The following TTLL9 variants were observed in gnomAD, a reference collection of about 807,000 sequenced individuals.
The protein encoded by TTLL9 is probable tubulin polyglutamylase TTLL9.
TTLL9 carries 47 observed loss-of-function variants against 65.6 expected under a neutral mutation model. The observed-to-expected ratio is 0.72, with a 90% CI of 0.57 to 0.91. TTLL9 has a LOEUF of 0.91. Among genes scored for constraint, TTLL9 ranks in the 40% least tolerant of loss-of-function variants. The probability of loss-of-function intolerance (pLI) is 0.00; values close to 1 mark genes in which losing one functional copy is unlikely to be tolerated. For synonymous variants in TTLL9, 179 were observed against 204.8 expected (o/e 0.87, Z 1.07); for missense variants, 537 against 568.8 (o/e 0.94, Z 0.57).
At chr20:31,898,367 CT>C (rs1265574166) in intron 3 of TTLL9, 105 bp from the exon 4 acceptor site, 1 of 876,318 alleles carries the variant, frequency 1.1e-6, no homozygotes, top group Non-Finnish European at 1.9e-6. Flanking sequence ...CAGTGTGGAA[CT>C]TTCCAGGTAT....
intron 6 of TTLL9, among the ~76,000 whole-genome samples, chr20:31,915,896 A>G (rs1202757666): frequency 6.6e-6 from 1 of 152,174 alleles, no homozygotes; most frequent in Non-Finnish European, 1.5e-5. Context: ...TATCTATTTC[A>G]GAGTAGCAAA....
At position 31,902,956 on chromosome 20, in the gene TTLL9, C is replaced by T. The variant is rs115586854; in HGVS notation, c.206+4391C>T. 7.4e-3 allele frequency among the ~76,000 whole-genome samples: 1,122 copies of T among 152,160 alleles called. 10 individuals are homozygous for T. The highest frequency in any genetic ancestry group is 0.026 in the African/African-American group (1,073 of 41,490). On this transcript the variant is annotated intron_variant, in intron 4 of 14. Transcript: ENST00000535842. ...ACAGCCAACTACAACCTTGACCTCCCGCGCTCAAGTGATCCACCCACCTCA... is the reference window on the plus strand; with the variant it reads ...ACAGCCAACTACAACCTTGACCTCCTGCGCTCAAGTGATCCACCCACCTCA...
intron 8 of TTLL9, 86 bp from the exon 9 acceptor site, chr20:31,924,923 C>A: frequency 6.8e-7 from 1 of 1,464,628 alleles, no homozygotes; most frequent in Non-Finnish European, 9.4e-7. Context: ...GGTTTCCTGT[C>A]TGTCCACTGC....
chr20:31,870,642 G>A lies in TTLL9; in HGVS notation c.-313G>A, dbSNP rs1442661207. ...GGGCCGGACAAAGCCCCAGTGTGCCGGGCCCACGGCCCGCGGGACAACGGC... is the reference window on the plus strand; with the variant it reads ...GGGCCGGACAAAGCCCCAGTGTGCCAGGCCCACGGCCCGCGGGACAACGGC... On this transcript the variant is annotated 5_prime_UTR_variant, in exon 1 of 15. Coordinates refer to ENST00000535842, the MANE Select transcript of TTLL9 (RefSeq NM_001008409.5). This position sits in a 1 kb window ranked among gnomAD's most constrained non-coding sequence, Gnocchi z 6.6. 7 of 1,299,474 alleles carry A rather than the reference G, an allele frequency of 5.4e-6. No homozygotes were observed. The highest frequency in any genetic ancestry group is 6.9e-6 in the Non-Finnish European group (7 of 1,018,758). 80.5% of individuals were successfully genotyped at this position (1,299,474 alleles called of 1,614,324 possible).
chr20:31,934,919 C>A, intron 12 of TTLL9, 31 bp downstream of exon 12: 2 of 1,586,202 alleles, frequency 1.3e-6, no homozygotes, highest in South Asian at 2.3e-5. Context: ...GCCAGGAGGT[C>A]ATAGTTTGCA....
intron 6 of TTLL9, among the ~76,000 whole-genome samples, chr20:31,911,826 CTGTGCGTGTG>C (rs1463564748): frequency 2.5e-5 from 3 of 122,012 alleles, no homozygotes; most frequent in South Asian, 3.0e-4. Flanking sequence ...CTCGGTGTGT[CTGTGCGTGTG>C]TGTGTGTGTG....
At chr20:31,879,214 G>A (rs919394721) in intron 2 of TTLL9, among the ~76,000 whole-genome samples, 2 of 152,148 alleles carry the variant, frequency 1.3e-5, no homozygotes, top group African/African-American at 2.4e-5. Flanking sequence ...CCAGCTACTC[G>A]GGAGGCTGAA....
rs768531223 is a variant in TTLL9, at chr20:31,943,731, T to C, written c.*710T>C. ...GAGGGTCTCTGCAAAGGTGCATTTA[T>C]CTAAGTCAGATGGGTGACTTAAGTG... On this transcript the variant is annotated 3_prime_UTR_variant, in exon 15 of 15. Transcript: ENST00000535842. The C allele has an allele frequency of 1.3e-5, 6 of 456,600 alleles. No homozygotes were observed. Among genetic ancestry groups the C allele is most frequent in the South Asian group, 9.3e-5 (6 of 64,580 alleles). 28.3% of individuals were successfully genotyped at this position (456,600 alleles called of 1,614,324 possible). A position where few individuals can be genotyped will look rare whatever the true frequency, so the allele number is the denominator to read the frequency against.
At chr20:31,908,792 T>C (rs2063599245) in intron 5 of TTLL9, 90 bp downstream of exon 5, 3 of 1,045,968 alleles carry the variant, frequency 2.9e-6, no homozygotes, top group East Asian at 2.6e-5. Flanking sequence ...ATCAGAAAAG[T>C]GTATTAGAAT....
chr20:31,931,424 C>T lies in TTLL9; in HGVS notation c.749-2376C>T, dbSNP rs571064728. Among the ~76,000 whole-genome samples, 23 of 152,206 alleles carry T rather than the reference C, an allele frequency of 1.5e-4. No individual in the cohort carries two copies. In the East Asian group the frequency reaches 2.3e-3, roughly 15 times the overall value. On this transcript the variant is annotated intron_variant, in intron 10 of 14. Transcript: ENST00000535842. ...TCAAGTAGCTGGGACTATAGATGCT[C>T]GCTTCCACGCCTGGCTAATTTTTGT...
intron 10 of TTLL9, among the ~76,000 whole-genome samples, chr20:31,930,224 C>T (rs948587791): frequency 1.3e-5 from 2 of 152,084 alleles, no homozygotes; most frequent in Non-Finnish European, 1.5e-5. Context: ...TTTTAAACAG[C>T]CATTTCTGAA....
chr20:31,890,161 CTTTCTTTCTTTCTTTCTTTCT>C (rs2063282933), intron 3 of TTLL9, among the ~76,000 whole-genome samples: 1 of 109,912 alleles, frequency 9.1e-6, no homozygotes, highest in African/African-American at 3.7e-5. Context: ...TTCCTTCTTT[CTTTCTTTCTTTCTTTCTTTCT>C]TTCTTTCTTT....
chr20:31,871,303 G>A (rs998591352), intron 2 of TTLL9, 108 bp downstream of exon 2: 15 of 1,180,894 alleles, frequency 1.3e-5, no homozygotes, highest in African/African-American at 1.5e-5. Flanking sequence ...TGGAGACCAA[G>A]GTTTGAGGCC....
chr20:31,929,642 T>G (rs1232582769), intron 10 of TTLL9, among the ~76,000 whole-genome samples: 1 of 152,156 alleles, frequency 6.6e-6, no homozygotes. Context: ...TTTCCTGGTT[T>G]TCTAATCCCC....
At chr20:31,927,130 C>A (rs997095778) in intron 10 of TTLL9, among the ~76,000 whole-genome samples, 4 of 146,944 alleles carry the variant, frequency 2.7e-5, no homozygotes, top group African/African-American at 1.1e-4. Flanking sequence ...AAAAAAAAAT[C>A]TCTCTCTCTC....
chr20:31,873,836 G>GA (rs1379737193), intron 2 of TTLL9, among the ~76,000 whole-genome samples: 13 of 111,028 alleles, frequency 1.2e-4, no homozygotes, highest in African/African-American at 4.8e-4. Context: ...AAGAAAGAAA[G>GA]AAAGAAAGAA....
chr20:31,875,996 AATATACTTTT>A (rs2063033269), intron 2 of TTLL9, among the ~76,000 whole-genome samples: 1 of 152,260 alleles, frequency 6.6e-6, no homozygotes, highest in South Asian at 2.1e-4. Context: ...AATAATATGA[AATATACTTTT>A]ATATGTGTTT....
At chr20:31,878,505 AG>A (rs1371800016) in intron 2 of TTLL9, among the ~76,000 whole-genome samples, 1 of 152,276 alleles carries the variant, frequency 6.6e-6, no homozygotes, top group Non-Finnish European at 1.5e-5. Flanking sequence ...CAGAGGTGCT[AG>A]TACCAGCAAC....
chr20:31,890,100 CCCTT>C (rs1286424316), intron 3 of TTLL9, among the ~76,000 whole-genome samples: 671 of 49,858 alleles, frequency 0.013, 15 homozygotes, highest in Middle Eastern at 0.04. Context: ...TTCTTTCCCT[CCCTT>C]CCTTCCTTCC....
Sources: allele counts gnomAD v4.1 joint callset (sites outside exome capture counted in the v4.1 genomes callset), GRCh38; gene constraint gnomAD v4.1.1; non-coding constraint Gnocchi (gnomAD v3.1); transcripts MANE v1.5; gene names NCBI Gene and HGNC (gene_info 2026-07-23, HGNC 2026-07-21).